UBR2: variants seen among roughly 807,000 people sequenced by gnomAD.
The protein encoded by UBR2 is E3 ubiquitin-protein ligase UBR2.
UBR2 carries 92 observed loss-of-function variants against 247.9 expected under a neutral mutation model. The observed-to-expected ratio is 0.37, with a 90% CI of 0.31 to 0.44. The LOEUF (loss-of-function observed/expected upper bound fraction) is 0.44. Among genes scored for constraint, UBR2 ranks in the 20% least tolerant of loss-of-function variants. UBR2 has a pLI of 1.00. For missense variants in UBR2, 1,613 were observed against 2,112.6 expected (o/e 0.76, Z 4.64); for synonymous variants, 672 against 693.5 (o/e 0.97, Z 0.49).
chr6:42,617,116 C>G, intron 10 of UBR2: 1 of 766,554 alleles, frequency 1.3e-6, no homozygotes, highest in African/African-American at 1.7e-5. Context: ...TGGTAGAAAT[C>G]ATTCCAGTTA....
In UBR2 at chr6:42,564,089, G is replaced by C; in HGVS notation, c.-231G>C. ...CTGTGTCCTTCCCTGGGTCAGGGAC[G>C]AGCCAGTGACTTGACTCTTGGGCGC... is the stretch of plus-strand genomic sequence containing the variant. On this transcript the variant is annotated 5_prime_UTR_variant, in exon 1 of 47. Transcript: ENST00000372901. 1 of 549,888 alleles carries C rather than the reference G, an allele frequency of 1.8e-6. No homozygotes were observed. Among genetic ancestry groups the C allele is most frequent in the Middle Eastern group, 4.7e-4 (1 of 2,148 alleles). The allele number at this position is 549,888 out of a possible 1,614,324, so 34.1% of individuals were successfully genotyped here. A position where few individuals can be genotyped will look rare whatever the true frequency, so the allele number is the denominator to read the frequency against.
Position 42,564,086 on chromosome 6 carries a change from G to A in UBR2, c.-234G>A, listed in dbSNP as rs1790631393. 4 of 551,088 alleles carry A rather than the reference G, an allele frequency of 7.3e-6. No individual in the cohort carries two copies. The East Asian group carries it at 1.3e-4, about 18-fold the overall frequency. The allele number at this position is 551,088 out of a possible 1,614,324, so 34.1% of individuals were successfully genotyped here. ...TTTCTGTGTCCTTCCCTGGGTCAGG[G>A]ACGAGCCAGTGACTTGACTCTTGGG... On this transcript the variant is annotated 5_prime_UTR_variant, in exon 1 of 47. Transcript: ENST00000372901.
rs149527453 is a variant in UBR2, at chr6:42,661,659, T to C, written c.3443-525T>C. ...TTACCTTTTTTCCCCCCATCTGATC[T>C]GGTCTGTGCTTAGATTTTTTGTTGT... On this transcript the variant is annotated intron_variant, in intron 30 of 46. Coordinates refer to ENST00000372901, the MANE Select transcript of UBR2 (RefSeq NM_001363705.2). Among the ~76,000 whole-genome samples the C allele has an allele frequency of 5.1e-4, 77 of 152,316 alleles. 2 individuals carry two copies. The East Asian group carries it at 8.3e-3, about 16-fold the overall frequency.
At position 42,635,668 on chromosome 6, in the gene UBR2, C is replaced by T. The variant is rs549582092; in HGVS notation, c.1674+122C>T. 569 of 1,192,590 alleles carry T rather than the reference C, an allele frequency of 4.8e-4. 1 individual carries two copies. The highest frequency in any genetic ancestry group is 1.2e-3 in the South Asian group (57 of 46,998). 73.9% of individuals were successfully genotyped at this position (1,192,590 alleles called of 1,614,324 possible). On this transcript the variant is annotated intron_variant, in intron 14 of 46. Transcript: ENST00000372901. ...TGGTGATACTTAGTTCATTAAACAG[C>T]GTATTTTCCTTCTCCACCTATAAAC...
chr6:42,614,368 G>GTACGTACATACATACATACGTATA (rs1794351335), intron 8 of UBR2, among the ~76,000 whole-genome samples: 5 of 15,266 alleles, frequency 3.3e-4, no homozygotes, highest in African/African-American at 8.5e-4. Context: ...ATATATGTGT[G>GTACGTACATACATACATACGTATA]TATGTGTGTA....
At chr6:42,623,713 G>A (rs973692507) in intron 11 of UBR2, among the ~76,000 whole-genome samples, 3 of 152,112 alleles carry the variant, frequency 2.0e-5, no homozygotes, top group African/African-American at 7.2e-5. Flanking sequence ...GCCTCCCCAA[G>A]TGCTGGGATT....
At position 42,680,816 on chromosome 6, in the gene UBR2, C is replaced by T. The variant is rs544107104; in HGVS notation, c.4718+984C>T. ...GGGCACAGTGGCTCACCCCTGTAAT[C>T]CCAGCACTTTGGGAGGCAGAAGTGG... On this transcript the variant is annotated intron_variant, in intron 42 of 46. Transcript: ENST00000372901. Among the ~76,000 whole-genome samples, 7 of 152,288 alleles carry T rather than the reference C, an allele frequency of 4.6e-5. No individual in the cohort carries two copies. In the South Asian group the frequency reaches 1.4e-3, roughly 32 times the overall value.
Position 42,644,327 on chromosome 6 carries a change from T to G in UBR2, c.2211T>G (p.Ile737Met). 3 of 1,612,138 alleles carry G rather than the reference T, an allele frequency of 1.9e-6. No individual in the cohort carries two copies. Among genetic ancestry groups the G allele is most frequent in the South Asian group, 1.1e-5 (1 of 90,404 alleles). Residue 737 changes from isoleucine (I) to methionine (M), a missense_variant, in exon 19 of 47, where the codon ATT (isoleucine) becomes ATG (methionine). Physicochemically the swap from Ile to Met is conservative, Grantham distance 10. Coordinates refer to ENST00000372901, the MANE Select transcript of UBR2 (RefSeq NM_001363705.2). The part of the protein sequence containing the change: ...PDYGKRFSSE[I>M]THKDVVQQNN... Reference sequence around the variant, plus strand: ...ATGGAAAAAGATTTAGTTCTGAGATTACCCATAAGGTAAGAACGTGTTTTA... The same window carrying G: ...ATGGAAAAAGATTTAGTTCTGAGATGACCCATAAGGTAAGAACGTGTTTTA...
At chr6:42,624,997 A>C (rs1041285400) in intron 11 of UBR2, among the ~76,000 whole-genome samples, 1 of 152,198 alleles carries the variant, frequency 6.6e-6, no homozygotes, top group Admixed American at 6.5e-5. Flanking sequence ...TTAAGGTTAA[A>C]CTACAAATTA....
At position 42,655,680 on chromosome 6, in the gene UBR2, G is replaced by A. The variant is rs1019409630; in HGVS notation, c.2829G>A (p.Thr943=). ...AAAAACAACATTTAGAGAATGTCAC[G>A]GAAGAGCATGTAGTAACATTTACCT... ...QEEKQHLENV[T]EEHVVTFTFT... The change falls in exon 26 of 47, where the codon ACG becomes ACA. Residue 943 remains threonine, a synonymous_variant. Transcript: ENST00000372901. 2.4e-5 allele frequency: 37 copies of A among 1,555,692 alleles called. No homozygotes were observed. The highest frequency in any genetic ancestry group is 2.9e-5 in the Non-Finnish European group (34 of 1,161,272).
chr6:42,587,001 G>A (rs1209665643), intron 2 of UBR2, among the ~76,000 whole-genome samples: 1 of 151,834 alleles, frequency 6.6e-6, no homozygotes, highest in East Asian at 1.9e-4. Flanking sequence ...TGTATTTTTA[G>A]TAGAGACGGG....
chr6:42,566,725 G>GTTTTTTTTTTTT (rs5875813), intron 1 of UBR2, among the ~76,000 whole-genome samples: 1 of 149,936 alleles, frequency 6.7e-6, no homozygotes, highest in Non-Finnish European at 1.5e-5. Flanking sequence ...TGAACAATAA[G>GTTTTTTTTTTTT]TTTTTTTTTT....
chr6:42,635,344 ATTACT>A, intron 13 of UBR2, 69 bp from the exon 14 acceptor site: 1 of 1,439,580 alleles, frequency 6.9e-7, no homozygotes, highest in Non-Finnish European at 9.5e-7. Context: ...TTTCTCCTAC[ATTACT>A]TCTTAGGTTT....
Position 42,670,229 on chromosome 6 carries a change from T to C in UBR2, c.4019T>C (p.Ile1340Thr). ...IMCWGSCAYT[I>T]QSIERILSDE... Reference sequence around the variant, plus strand: ...TGTTGGGGTAGCTGCGCGTACACCATCCAAAGCATAGGTAAGAGATTTACA... The same window carrying C: ...TGTTGGGGTAGCTGCGCGTACACCACCCAAAGCATAGGTAAGAGATTTACA... Residue 1340 changes from isoleucine to threonine, a missense_variant, in exon 35 of 47, where the codon ATC becomes ACC. Around this residue, in one of 3 missense-constraint regions of UBR2, gnomAD observed 1,524 missense variants for 1,967.3 expected, o/e 0.77. Transcript: ENST00000372901. 1 of 1,613,744 alleles carries C rather than the reference T, an allele frequency of 6.2e-7. No individual in the cohort carries two copies. Among genetic ancestry groups the C allele is most frequent in the Non-Finnish European group, 8.5e-7 (1 of 1,179,692 alleles).
chr6:42,603,549 C>T, intron 4 of UBR2, 39 bp from the exon 5 acceptor site: 1 of 1,501,646 alleles, frequency 6.7e-7, no homozygotes, highest in Non-Finnish European at 8.8e-7. Flanking sequence ...CATGATTGCC[C>T]TTTTTTTCTT....
rs1554254887 is a variant in UBR2 at position 42,632,069 on chromosome 6, A to ATAT, written c.1282-483_1282-482insTAT. On this transcript the variant is annotated intron_variant, in intron 11 of 46. Coordinates refer to ENST00000372901, the MANE Select transcript of UBR2 (RefSeq NM_001363705.2). ...TATTTGCTTATTTAAAAAAAAAAAA[A>ATAT]ATATATATATATATATATATATGTA... 9.8e-3 allele frequency among the ~76,000 whole-genome samples: 1,120 copies of ATAT among 114,032 alleles called. 14 individuals are homozygous for ATAT. Among genetic ancestry groups the ATAT allele is most frequent in the East Asian group, 0.042 (175 of 4,124 alleles). 74.8% of individuals were successfully genotyped at this position (114,032 alleles called of 152,430 possible). A position where few individuals can be genotyped will look rare whatever the true frequency, so the allele number is the denominator to read the frequency against.
chr6:42,604,186 C>T (rs558794515), intron 5 of UBR2, among the ~76,000 whole-genome samples: 1 of 152,256 alleles, frequency 6.6e-6, no homozygotes, highest in South Asian at 2.1e-4. Context: ...TAGTGTACAT[C>T]TACCATTTTT....
chr6:42,601,321 A>G (rs764047563), intron 4 of UBR2, among the ~76,000 whole-genome samples: 13 of 152,188 alleles, frequency 8.5e-5, no homozygotes, highest in Non-Finnish European at 1.5e-5. Context: ...TCTGTATACA[A>G]GTGATTTCAC....
At chr6:42,641,530 TTTA>T in intron 16 of UBR2, 49 bp from the exon 17 acceptor site, 2 of 1,403,664 alleles carry the variant, frequency 1.4e-6, no homozygotes, top group Non-Finnish European at 9.8e-7. Flanking sequence ...TAGAACTGAT[TTTA>T]TGTGTGTGTT....
Sources: allele counts gnomAD v4.1 joint callset (sites outside exome capture counted in the v4.1 genomes callset), GRCh38; gene constraint gnomAD v4.1.1; regional missense constraint gnomAD v4.1.1; transcripts MANE v1.5; gene names NCBI Gene and HGNC (gene_info 2026-07-23, HGNC 2026-07-21).